The following NRF1 variants were observed in gnomAD, a reference collection of about 807,000 sequenced individuals.
NRF1 encodes nuclear respiratory factor 1.
Under a neutral mutation model 58.5 loss-of-function variants are expected in NRF1, and 5 were observed. The observed-to-expected ratio is 0.09, with a 90% CI of 0.04 to 0.18. NRF1 has a LOEUF of 0.18. NRF1 is among the 10% of genes least tolerant of loss of function. The pLI is 1.00. For missense variants in NRF1, 288 were observed against 657.7 expected (o/e 0.44, Z 6.15); for synonymous variants, 224 against 246.7 (o/e 0.91, Z 0.86).
At chr7:129,631,235 A>C (rs912639622) in intron 1 of NRF1, among the ~76,000 whole-genome samples, 5 of 54,928 alleles carry the variant, frequency 9.1e-5, no homozygotes, top group African/African-American at 2.4e-4. Flanking sequence ...AATTTGATTT[A>C]ATTTTTTTTT....
At chr7:129,735,219 A>G (rs1803678689) in intron 10 of NRF1, 1 of 985,280 alleles carries the variant, frequency 1.0e-6, no homozygotes, top group African/African-American at 1.7e-5. Flanking sequence ...ATGAAGAGAA[A>G]TGGACTGGAG....
chr7:129,661,834 C>G (rs1801786763), intron 2 of NRF1, among the ~76,000 whole-genome samples: 1 of 150,806 alleles, frequency 6.6e-6, no homozygotes, highest in Admixed American at 6.6e-5. Flanking sequence ...CAGCAGCACC[C>G]CACTCCTGGT....
rs527780209 is a variant in NRF1 at position 129,625,830 on chromosome 7, T to C, written c.-7+14006T>C. On this transcript the variant is annotated intron_variant, in intron 1 of 10. Coordinates refer to ENST00000393232, the MANE Select transcript of NRF1 (RefSeq NM_005011.5). ...CCGAGTAGCTGGGACGTCGGGTGCC[T>C]GCCACCACACCTGGCTAATTTTTTG... Among the ~76,000 whole-genome samples, 133 of 152,102 alleles carry C rather than the reference T, an allele frequency of 8.7e-4. 2 individuals carry two copies. Among genetic ancestry groups the C allele is most frequent in the South Asian group, 6.7e-3 (32 of 4,800 alleles).
At chr7:129,619,516 ATTG>A (rs1800744404) in intron 1 of NRF1, among the ~76,000 whole-genome samples, 1 of 114,522 alleles carries the variant, frequency 8.7e-6, no homozygotes, top group Non-Finnish European at 1.7e-5. Flanking sequence ...ATATATATGT[ATTG>A]TTTTGCTGGG....
chr7:129,677,343 G>A (rs1802205725), intron 3 of NRF1, among the ~76,000 whole-genome samples: 1 of 152,072 alleles, frequency 6.6e-6, no homozygotes, highest in Non-Finnish European at 1.5e-5. Context: ...ATTGTAAGTA[G>A]CAGTAAGTGA....
At chr7:129,683,330 A>T (rs1489331982) in intron 4 of NRF1, among the ~76,000 whole-genome samples, 12 of 150,320 alleles carry the variant, frequency 8.0e-5, no homozygotes, top group Admixed American at 4.7e-4. Context: ...TGAGAGAGAG[A>T]GAGAGAGAGA....
chr7:129,611,780 C>T lies in NRF1; in HGVS notation c.-51C>T, dbSNP rs1420034356. 2 of 272,120 alleles carry T rather than the reference C, an allele frequency of 7.3e-6. No homozygotes were observed. The highest frequency in any genetic ancestry group is 1.1e-4 in the Admixed American group (2 of 18,648). The allele number at this position is 272,120 out of a possible 1,614,324, so 16.9% of individuals were successfully genotyped here. ...GGAGGCTGCGAGGAGCCGGCGCGGT[C>T]GCAGTCTCCACGGCGCAGGCCCACG... On this transcript the variant is annotated 5_prime_UTR_variant, in exon 1 of 11. Coordinates refer to ENST00000393232, the MANE Select transcript of NRF1 (RefSeq NM_005011.5).
At chr7:129,728,052 G>A (rs935845486) in intron 10 of NRF1, among the ~76,000 whole-genome samples, 1 of 152,190 alleles carries the variant, frequency 6.6e-6, no homozygotes, top group African/African-American at 2.4e-5. Flanking sequence ...ATGTTGGTAA[G>A]GAGTCAGTTG....
At chr7:129,738,335 G>C (rs1347021767) in intron 10 of NRF1, among the ~76,000 whole-genome samples, 1 of 152,210 alleles carries the variant, frequency 6.6e-6, no homozygotes, top group Non-Finnish European at 1.5e-5. Flanking sequence ...TGTGGCTCCA[G>C]CTGAGCTGGG....
Position 129,740,797 on chromosome 7 carries a change from G to C in NRF1, c.1348+13432G>C, listed in dbSNP as rs1803828055. ...ACCATTATAACCTGGGGTGGCCTCG[G>C]GCATTCATCGTTTATATGCCAGGAA... On this transcript the variant is annotated intron_variant, in intron 10 of 10. Transcript: ENST00000393232. 2.0e-5 allele frequency among the ~76,000 whole-genome samples: 3 copies of C among 152,068 alleles called. No homozygotes were observed. The South Asian group carries it at 6.2e-4, about 32-fold the overall frequency.
chr7:129,665,439 G>A (rs1801897799), intron 2 of NRF1, among the ~76,000 whole-genome samples: 1 of 152,216 alleles, frequency 6.6e-6, no homozygotes. Flanking sequence ...TCACTATATT[G>A]TGTTGCCTGT....
intron 1 of NRF1, among the ~76,000 whole-genome samples, chr7:129,620,823 C>G (rs901306080): frequency 1.3e-5 from 2 of 152,152 alleles, no homozygotes; most frequent in Non-Finnish European, 2.9e-5. Flanking sequence ...GTTGCTTATG[C>G]TTTGGAAAAA....
rs1433738715 is a variant in NRF1 at position 129,703,710 on chromosome 7, G to A, written c.607-5365G>A. On this transcript the variant is annotated intron_variant, in intron 5 of 10. Coordinates refer to ENST00000393232, the MANE Select transcript of NRF1 (RefSeq NM_005011.5). ...ATACCTTTTACTTCTTTTGGTATAG[G>A]GGCAAATTTTATATGCTTGATAATT... is the stretch of plus-strand genomic sequence containing the variant. Among the ~76,000 whole-genome samples the A allele has an allele frequency of 2.0e-5, 3 of 152,056 alleles. 1 individual carries two copies. The highest frequency in any genetic ancestry group is 4.4e-5 in the Non-Finnish European group (3 of 68,014).
chr7:129,646,522 C>G (rs767977148), intron 1 of NRF1, among the ~76,000 whole-genome samples: 4 of 152,074 alleles, frequency 2.6e-5, no homozygotes, highest in Non-Finnish European at 4.4e-5. Context: ...AAGAGAAGAA[C>G]CTGGAAGCTC....
intron 1 of NRF1, among the ~76,000 whole-genome samples, chr7:129,630,691 G>A (rs1801028764): frequency 6.6e-6 from 1 of 152,154 alleles, no homozygotes; most frequent in East Asian, 1.9e-4. Flanking sequence ...ATATTCTTTG[G>A]ATTGGAAGAG....
intron 5 of NRF1, among the ~76,000 whole-genome samples, chr7:129,706,335 G>A (rs1169079381): frequency 6.6e-6 from 1 of 152,218 alleles, no homozygotes; most frequent in Non-Finnish European, 1.5e-5. Context: ...TGGGAAGAGG[G>A]AATGAAGGGA....
At position 129,612,002 on chromosome 7, in the gene NRF1, C is replaced by G. The variant is rs928831428; in HGVS notation, c.-7+178C>G. Among the ~76,000 whole-genome samples the G allele has an allele frequency of 2.6e-4, 39 of 149,290 alleles. No individual in the cohort carries two copies. The East Asian group carries it at 7.7e-3, about 29-fold the overall frequency. Reference sequence around the variant, plus strand: ...GCGGGGGGCCCCGGCCCGGCCCAGCCAAACCGCCACCCCGAGGATGCGCAG... The same window carrying G: ...GCGGGGGGCCCCGGCCCGGCCCAGCGAAACCGCCACCCCGAGGATGCGCAG... On this transcript the variant is annotated intron_variant, in intron 1 of 10. Transcript: ENST00000393232.
chr7:129,635,972 T>A (rs1801161412), intron 1 of NRF1, among the ~76,000 whole-genome samples: 1 of 152,186 alleles, frequency 6.6e-6, no homozygotes, highest in Non-Finnish European at 1.5e-5. Flanking sequence ...TAAACACCTC[T>A]TATTTTTCTA....
At chr7:129,696,444 CTGTG>C (rs1463260187) in intron 5 of NRF1, among the ~76,000 whole-genome samples, 2 of 151,974 alleles carry the variant, frequency 1.3e-5, no homozygotes. Context: ...ATCCACCTTT[CTGTG>C]TGTGTGTATG....
Sources: gnomAD v4.1 joint callset for allele counts (sites outside exome capture counted in the v4.1 genomes callset) on GRCh38, gnomAD v4.1.1 for gene constraint, MANE v1.5 for transcripts, NCBI Gene and HGNC (gene_info 2026-07-23, HGNC 2026-07-21) for gene names.